The following GALNT14 variants were observed in gnomAD, a reference collection of about 807,000 sequenced individuals.
The protein encoded by GALNT14 is UDP-GalNAc:polypeptide N-acetylgalactosaminyltransferase 14.
A neutral mutation model predicts 77.5 loss-of-function variants in GALNT14; 60 were observed. The ratio of observed to expected loss-of-function variants is 0.77; its 90% CI spans 0.63 to 0.96. The LOEUF is 0.96. Among genes scored for constraint, GALNT14 ranks in the 40% least tolerant of loss-of-function variants. The probability of loss-of-function intolerance (pLI) is 0.00; values close to 1 mark genes in which losing one functional copy is unlikely to be tolerated. For synonymous variants in GALNT14, 280 were observed against 281.7 expected, an observed-to-expected ratio of 0.99 and a Z score of 0.06; for missense variants, 710 against 731.0, an observed-to-expected ratio of 0.97 and a Z score of 0.33.
chr2:31,008,796 T>C (rs1670835957), intron 1 of GALNT14, among the ~76,000 whole-genome samples: 1 of 152,200 alleles, frequency 6.6e-6, no homozygotes, highest in African/African-American at 2.4e-5. Context: ...ATAATAATTG[T>C]GTGATTACAG....
chr2:30,939,051 G>A (rs1186155968), intron 9 of GALNT14, among the ~76,000 whole-genome samples: 1 of 152,184 alleles, frequency 6.6e-6, no homozygotes, highest in Non-Finnish European at 1.5e-5. Context: ...TTCCCATTCA[G>A]TCTCTGGCTT....
chr2:31,129,699 G>A (rs1558588226), intron 1 of GALNT14: 1 of 951,276 alleles, frequency 1.1e-6, no homozygotes. Context: ...ATATTGATTG[G>A]ACCAGTCTCT....
chr2:31,009,263 G>C (rs969889949), intron 1 of GALNT14, among the ~76,000 whole-genome samples: 1 of 152,126 alleles, frequency 6.6e-6, no homozygotes, highest in African/African-American at 2.4e-5. Context: ...GCACAATTTG[G>C]CACATTCATC....
chr2:31,064,309 C>CA (rs1558539183), intron 1 of GALNT14, among the ~76,000 whole-genome samples: 1 of 152,196 alleles, frequency 6.6e-6, no homozygotes, highest in Non-Finnish European at 1.5e-5. Context: ...GTCACAGACA[C>CA]AAAACTGAGG....
chr2:30,944,780 A>T, intron 8 of GALNT14, 78 bp downstream of exon 8: 1 of 1,116,610 alleles, frequency 9.0e-7, no homozygotes, highest in Non-Finnish European at 1.2e-6. Flanking sequence ...TTGACATCTG[A>T]TATTGAGCAC....
At chr2:30,932,672 C>T (rs546087572) in intron 9 of GALNT14, among the ~76,000 whole-genome samples, 1 of 152,222 alleles carries the variant, frequency 6.6e-6, no homozygotes, top group African/African-American at 2.4e-5. Context: ...ACAAGGTGAC[C>T]ATTGTGAGAA....
intron 8 of GALNT14, 25 bp downstream of exon 8, chr2:30,944,833 C>A: frequency 6.4e-7 from 1 of 1,566,640 alleles, no homozygotes; most frequent in South Asian, 1.2e-5. Context: ...GTCTGCCCAC[C>A]CCTGCACAGA....
At chr2:31,052,525 C>A (rs141399591) in intron 1 of GALNT14, among the ~76,000 whole-genome samples, 105 of 152,306 alleles carry the variant, frequency 6.9e-4, no homozygotes, top group African/African-American at 2.3e-3. Flanking sequence ...TCCTGCGGGA[C>A]ACCAGAGCAT....
chr2:30,895,620 T>A, the GALNT14 span, among the ~76,000 whole-genome samples: 1 of 152,078 alleles, frequency 6.6e-6, no homozygotes, highest in South Asian at 2.1e-4. Flanking sequence ...TGGGCTCCTG[T>A]ACTTAGAATT....
intron 8 of GALNT14, among the ~76,000 whole-genome samples, chr2:30,942,800 T>C (rs977217827): frequency 1.3e-5 from 2 of 152,160 alleles, no homozygotes; most frequent in Non-Finnish European, 2.9e-5. Context: ...TCCTTTTTTT[T>C]CCCTCTTTAT....
intron 1 of GALNT14, among the ~76,000 whole-genome samples, chr2:31,052,074 G>A (rs1470120526): frequency 2.0e-5 from 3 of 152,114 alleles, no homozygotes; most frequent in Non-Finnish European, 2.9e-5. Flanking sequence ...ACCCGATGGC[G>A]CTCCACGGGA....
chr2:31,065,788 C>A (rs997316249), intron 1 of GALNT14, among the ~76,000 whole-genome samples: 7 of 152,164 alleles, frequency 4.6e-5, no homozygotes, highest in African/African-American at 1.7e-4. Flanking sequence ...ATCCCTCCTG[C>A]CGGGTGTCTG....
At chr2:30,955,819 T>G in intron 5 of GALNT14, 80 bp from the exon 6 acceptor site, 2 of 1,608,738 alleles carry the variant, frequency 1.2e-6, no homozygotes, top group Non-Finnish European at 1.7e-6. Flanking sequence ...CCACCCAGCA[T>G]TCCCCACTGA....
chr2:31,097,874 G>T (rs1677079531), intron 1 of GALNT14, among the ~76,000 whole-genome samples: 1 of 152,150 alleles, frequency 6.6e-6, no homozygotes, highest in Non-Finnish European at 1.5e-5. Flanking sequence ...TCAGCTTCTA[G>T]TTCAAGCTCA....
intron 1 of GALNT14, among the ~76,000 whole-genome samples, chr2:31,114,182 C>G (rs1258223205): frequency 6.6e-6 from 1 of 152,050 alleles, no homozygotes; most frequent in Non-Finnish European, 1.5e-5. Flanking sequence ...AGCCACCTTT[C>G]GTGTTTCTTT....
intron 6 of GALNT14, among the ~76,000 whole-genome samples, chr2:30,952,541 A>G (rs1284268016): frequency 1.4e-5 from 2 of 146,590 alleles, no homozygotes; most frequent in East Asian, 4.2e-4. Context: ...ATTCTCACTC[A>G]TAAGTGGGAA....
At chr2:30,990,038 G>C (rs4142018) in intron 2 of GALNT14, among the ~76,000 whole-genome samples, 52,978 of 151,630 alleles carry the variant, frequency 0.35, 10,499 homozygotes, top group African/African-American at 0.54. Flanking sequence ...AAAAGCAGAG[G>C]TGGATTCACA....
chr2:30,913,131 G>C (rs1308205014), intron 13 of GALNT14, among the ~76,000 whole-genome samples: 1 of 151,976 alleles, frequency 6.6e-6, no homozygotes, highest in African/African-American at 2.4e-5. Flanking sequence ...AGAGTAACTG[G>C]ATTATGAAGC....
intron 1 of GALNT14, among the ~76,000 whole-genome samples, chr2:31,038,412 A>G (rs1248682938): frequency 6.6e-6 from 1 of 151,954 alleles, no homozygotes; most frequent in East Asian, 1.9e-4. Flanking sequence ...GATATTTTTG[A>G]CAAATGCCAT....
Sources: allele counts gnomAD v4.1 joint callset (sites outside exome capture counted in the v4.1 genomes callset), GRCh38; gene constraint gnomAD v4.1.1; transcripts MANE v1.5; gene names NCBI Gene and HGNC (gene_info 2026-07-23, HGNC 2026-07-21).